Variants in ST6GALNAC5 observed in about 807,000 individuals in gnomAD.
ST6GALNAC5 encodes ST6 N-acetylgalactosaminide alpha-2,6-sialyltransferase 5, also known as alpha-N-acetylgalactosaminide alpha-2,6-sialyltransferase 5.
In ST6GALNAC5, 27 loss-of-function variants were observed where a neutral mutation model predicts 33.6. The observed-to-expected ratio is 0.80, with a 90% CI of 0.59 to 1.11. The LOEUF is 1.11. Among genes scored for constraint, ST6GALNAC5 ranks in the 50% least tolerant of loss-of-function variants. ST6GALNAC5 has a pLI of 0.00. For missense variants in ST6GALNAC5, 428 were observed against 454.0 expected (o/e 0.94, Z 0.52); for synonymous variants, 194 against 171.2 (o/e 1.13, Z -1.04).
At chr1:76,989,568 AT>A (rs1649643345) in intron 2 of ST6GALNAC5, among the ~76,000 whole-genome samples, 1 of 151,746 alleles carries the variant, frequency 6.6e-6, no homozygotes, top group African/African-American at 2.4e-5. Flanking sequence ...TATAATTTTT[AT>A]TATTCATCTT....
In ST6GALNAC5 at chr1:76,872,068, AACACACACACACACACAC is replaced by A. The variant is rs66721550; in HGVS notation, c.261+3359_261+3376del. 2.4e-3 allele frequency among the ~76,000 whole-genome samples: 310 copies of A among 130,286 alleles called. 1 individual carries two copies. In the East Asian group the frequency reaches 0.025, roughly 10 times the overall value. 85.5% of individuals were successfully genotyped at this position (130,286 alleles called of 152,430 possible). A position where few individuals can be genotyped will look rare whatever the true frequency, so the allele number is the denominator to read the frequency against. On this transcript the variant is annotated intron_variant, in intron 2 of 4. Coordinates refer to ENST00000477717, the MANE Select transcript of ST6GALNAC5 (RefSeq NM_030965.3). ...CTGTAGCCTAATGTATAACCAAGCT[AACACACACACACACACAC>A]ACACACACACACACACACACACACA...
At chr1:76,925,919 C>G (rs1647081375) in intron 2 of ST6GALNAC5, among the ~76,000 whole-genome samples, 1 of 152,100 alleles carries the variant, frequency 6.6e-6, no homozygotes, top group Non-Finnish European at 1.5e-5. Flanking sequence ...ACACTGAAAC[C>G]AGGACTTTCA....
intron 2 of ST6GALNAC5, among the ~76,000 whole-genome samples, chr1:76,973,367 T>A (rs983679560): frequency 6.6e-6 from 1 of 152,038 alleles, no homozygotes; most frequent in Admixed American, 6.6e-5. Flanking sequence ...AGTTCCAGTA[T>A]GAAGATTGTC....
At position 76,868,568 on chromosome 1, in the gene ST6GALNAC5, C is replaced by T. The variant is rs775174865; in HGVS notation, c.87C>T (p.Leu29=). Residue 29 remains leucine, a synonymous_variant, in exon 2 of 5, where the codon CTC becomes CTT. Coordinates refer to ENST00000477717, the MANE Select transcript of ST6GALNAC5 (RefSeq NM_030965.3). This position sits in a 1 kb window ranked among gnomAD's most constrained non-coding sequence, Gnocchi z 4.3. The part of the protein sequence containing the change: ...CTSLLLVYSS[L]GGQKERPPQQ... The stretch of plus-strand genomic sequence containing the variant: ...GCTTGTTGCTAGTGTACAGCAGCCT[C>T]GGCGGCCAGAAGGAGCGGCCCCCGC... 5 of 1,613,186 alleles carry T rather than the reference C, an allele frequency of 3.1e-6. No individual in the cohort carries two copies. In the East Asian group the frequency reaches 6.7e-5, roughly 22 times the overall value.
chr1:76,940,812 G>T (rs977734617), intron 2 of ST6GALNAC5, among the ~76,000 whole-genome samples: 1 of 152,074 alleles, frequency 6.6e-6, no homozygotes. Flanking sequence ...GCTTTGGAGT[G>T]TACTGATTTT....
chr1:77,040,777 C>A (rs1451573144), intron 2 of ST6GALNAC5, among the ~76,000 whole-genome samples: 3 of 152,014 alleles, frequency 2.0e-5, no homozygotes, highest in African/African-American at 7.3e-5. Flanking sequence ...TCTAGGTGAG[C>A]GTGATGAGAA....
chr1:76,934,272 C>T (rs1647174465), intron 2 of ST6GALNAC5, among the ~76,000 whole-genome samples: 1 of 152,002 alleles, frequency 6.6e-6, no homozygotes, highest in Non-Finnish European at 1.5e-5. Flanking sequence ...TGTAATTAAC[C>T]TAGGGCTTCT....
chr1:76,888,324 G>A (rs753333329), intron 2 of ST6GALNAC5, among the ~76,000 whole-genome samples: 1 of 152,146 alleles, frequency 6.6e-6, no homozygotes, highest in Non-Finnish European at 1.5e-5. Context: ...GTGCCTGAGT[G>A]ATGCTGTTGC....
intron 2 of ST6GALNAC5, among the ~76,000 whole-genome samples, chr1:77,010,108 T>C (rs2100422590): frequency 6.6e-6 from 1 of 152,334 alleles, no homozygotes; most frequent in Non-Finnish European, 1.5e-5. Context: ...ATTTACTGTG[T>C]CTGTCTTATC....
intron 2 of ST6GALNAC5, among the ~76,000 whole-genome samples, chr1:77,041,751 C>T (rs1199076666): frequency 6.6e-6 from 1 of 152,178 alleles, no homozygotes; most frequent in African/African-American, 2.4e-5. Context: ...CACATTTCAG[C>T]ATCATGTACT....
At chr1:76,925,922 G>A (rs1231125817) in intron 2 of ST6GALNAC5, among the ~76,000 whole-genome samples, 2 of 152,132 alleles carry the variant, frequency 1.3e-5, no homozygotes, top group Admixed American at 1.3e-4. Flanking sequence ...CTGAAACCAG[G>A]ACTTTCAACC....
chr1:76,960,612 T>C (rs543689292), intron 2 of ST6GALNAC5, among the ~76,000 whole-genome samples: 4 of 152,212 alleles, frequency 2.6e-5, no homozygotes, highest in African/African-American at 7.2e-5. Flanking sequence ...ATTTCATCCC[T>C]ACAGCTTCGA....
intron 2 of ST6GALNAC5, among the ~76,000 whole-genome samples, chr1:76,989,906 T>G (rs1649657984): frequency 1.3e-5 from 2 of 152,166 alleles, no homozygotes; most frequent in Admixed American, 1.3e-4. Flanking sequence ...GTTAGTAGTG[T>G]GTTCTGAGAT....
At chr1:77,019,204 G>C (rs866291107) in intron 2 of ST6GALNAC5, among the ~76,000 whole-genome samples, 2 of 152,128 alleles carry the variant, frequency 1.3e-5, no homozygotes, top group South Asian at 4.1e-4. Context: ...ACTTACCACT[G>C]CTTGCTGGTA....
Position 76,867,638 on chromosome 1 carries a change from C to G in ST6GALNAC5, c.-38C>G. Reference sequence around the variant, plus strand: ...CTCCAGGAAAAAGTGGCCCCGGACGCGCGAGCCTGAGGATTCTGCACAAAA... The same window carrying G: ...CTCCAGGAAAAAGTGGCCCCGGACGGGCGAGCCTGAGGATTCTGCACAAAA... On this transcript the variant is annotated 5_prime_UTR_variant, in exon 1 of 5. Coordinates refer to ENST00000477717, the MANE Select transcript of ST6GALNAC5 (RefSeq NM_030965.3). 1 of 1,614,020 alleles carries G rather than the reference C, an allele frequency of 6.2e-7. No individual in the cohort carries two copies. Among genetic ancestry groups the G allele is most frequent in the Non-Finnish European group, 8.5e-7 (1 of 1,180,002 alleles).
At chr1:77,023,253 G>T (rs1651118816) in intron 2 of ST6GALNAC5, among the ~76,000 whole-genome samples, 1 of 152,166 alleles carries the variant, frequency 6.6e-6, no homozygotes, top group African/African-American at 2.4e-5. Context: ...ATTTTGTTAT[G>T]GCAGCCTAGC....
At chr1:76,888,629 C>T (rs1395420422) in intron 2 of ST6GALNAC5, among the ~76,000 whole-genome samples, 1 of 151,384 alleles carries the variant, frequency 6.6e-6, no homozygotes, top group Non-Finnish European at 1.5e-5. Flanking sequence ...TTTTAAAACT[C>T]TCCTTTTCCC....
intron 2 of ST6GALNAC5, among the ~76,000 whole-genome samples, chr1:76,891,418 T>A (rs867225136): frequency 1.1e-4 from 17 of 152,212 alleles, no homozygotes; most frequent in South Asian, 6.2e-4. Context: ...CTATTCAGAT[T>A]CTTGGCCCAT....
At chr1:76,933,164 G>A (rs2100312835) in intron 2 of ST6GALNAC5, among the ~76,000 whole-genome samples, 1 of 152,110 alleles carries the variant, frequency 6.6e-6, no homozygotes, top group South Asian at 2.1e-4. Context: ...TTTGTGTCTA[G>A]GGAAATGGTC....
Sources: gnomAD v4.1 joint callset for allele counts (sites outside exome capture counted in the v4.1 genomes callset) on GRCh38, gnomAD v4.1.1 for gene constraint, Gnocchi (gnomAD v3.1) non-coding constraint, MANE v1.5 for transcripts, NCBI Gene and HGNC (gene_info 2026-07-23, HGNC 2026-07-21) for gene names.